MYO1E: variants seen among roughly 807,000 people sequenced by gnomAD.
MYO1E encodes myosin IE, also known as unconventional myosin-Ie.
A neutral mutation model predicts 151.1 loss-of-function variants in MYO1E; 68 were observed. That is an observed-to-expected ratio of 0.45 (90% confidence interval 0.37 to 0.55). The LOEUF is 0.55. Among genes scored for constraint, MYO1E ranks in the 20% least tolerant of loss-of-function variants. The pLI, the probability that MYO1E is intolerant of heterozygous loss-of-function variation, is 0.00. For synonymous variants in MYO1E, 601 were observed against 501.7 expected (o/e 1.20, Z -2.64); for missense variants, 1,363 against 1,389.3 (o/e 0.98, Z 0.30).
intron 1 of MYO1E, among the ~76,000 whole-genome samples, chr15:59,308,915 G>C (rs180800907): frequency 2.6e-4 from 39 of 152,020 alleles, no homozygotes; most frequent in African/African-American, 8.4e-4. Flanking sequence ...CAGAGAGGCA[G>C]AATTGCAGAA....
At chr15:59,216,881 C>T (rs935546813) in intron 10 of MYO1E, among the ~76,000 whole-genome samples, 2 of 151,624 alleles carry the variant, frequency 1.3e-5, no homozygotes, top group African/African-American at 4.9e-5. Flanking sequence ...GGCAAAGTGA[C>T]AATACCTGAG....
At chr15:59,272,219 A>C in intron 2 of MYO1E, 87 bp downstream of exon 2, 1 of 1,486,754 alleles carries the variant, frequency 6.7e-7, no homozygotes, top group East Asian at 2.3e-5. Flanking sequence ...TACACACGTG[A>C]GCCACTGCAC....
At chr15:59,222,052 T>C (rs774056883) in intron 9 of MYO1E, among the ~76,000 whole-genome samples, 4 of 152,238 alleles carry the variant, frequency 2.6e-5, no homozygotes, top group Non-Finnish European at 4.4e-5. Flanking sequence ...GGACACCCTG[T>C]ATATTTATTG....
chr15:59,342,242 G>A lies in MYO1E; in HGVS notation c.3+30256C>T, dbSNP rs543536193. 2.6e-4 allele frequency among the ~76,000 whole-genome samples: 40 copies of A among 152,284 alleles called. No homozygotes were observed. In the South Asian group the frequency reaches 8.3e-3, roughly 32 times the overall value. ...ATCAGATTAGATTTTTTCCTACAGA[G>A]TTATTTGAGTTCCTTCTGTATTCTG... On this transcript the variant is annotated intron_variant, in intron 1 of 27. Transcript: ENST00000288235.
chr15:59,281,522 C>T (rs1461769834), intron 1 of MYO1E, among the ~76,000 whole-genome samples: 3 of 152,002 alleles, frequency 2.0e-5, no homozygotes, highest in East Asian at 1.9e-4. Context: ...GTGATCTGCC[C>T]GCCTCGGCCT....
chr15:59,204,084 T>C (rs145623939), intron 15 of MYO1E, among the ~76,000 whole-genome samples: 4 of 152,284 alleles, frequency 2.6e-5, no homozygotes, highest in Middle Eastern at 3.4e-3. Context: ...AATAATTTTT[T>C]AAAAACAATC....
At chr15:59,257,232 A>T (rs28368974) in intron 3 of MYO1E, among the ~76,000 whole-genome samples, 116 of 152,154 alleles carry the variant, frequency 7.6e-4, no homozygotes, top group Middle Eastern at 3.4e-3. Context: ...GCCTGTAATC[A>T]CTCCAAGCTA....
At position 59,159,841 on chromosome 15, in the gene MYO1E, C is replaced by CTAAT. The variant is rs139112417; in HGVS notation, c.2785+1228_2785+1231dup. ...CTTTGCAGACAGATTTGAGAAATGG[C>CTAAT]TAATTAATTAATTAATTTTTGAGAT... On this transcript the variant is annotated intron_variant, in intron 24 of 27. Coordinates refer to ENST00000288235, the MANE Select transcript of MYO1E (RefSeq NM_004998.4). The surrounding 1 kb of genome is among the most constrained non-coding windows in gnomAD (Gnocchi z 4.4). Among the ~76,000 whole-genome samples the CTAAT allele has an allele frequency of 0.058, 8,803 of 151,916 alleles. 281 individuals are homozygous for CTAAT. Among genetic ancestry groups the CTAAT allele is most frequent in the African/African-American group, 0.087 (3,579 of 41,306 alleles).
At chr15:59,194,352 A>C (rs539668522) in intron 17 of MYO1E, among the ~76,000 whole-genome samples, 110 of 152,244 alleles carry the variant, frequency 7.2e-4, no homozygotes, top group Middle Eastern at 3.4e-3. Context: ...TCAGACAGTA[A>C]ATGTTTGACC....
intron 2 of MYO1E, among the ~76,000 whole-genome samples, chr15:59,262,019 T>G (rs759393580): frequency 8.6e-5 from 13 of 151,928 alleles, no homozygotes; most frequent in Non-Finnish European, 1.6e-4. Context: ...CTGGCCGACA[T>G]GGTGAAACTC....
chr15:59,372,496 A>C lies in MYO1E; in HGVS notation c.3+2T>G. The C allele has an allele frequency of 1.3e-6, 2 of 1,537,648 alleles. No individual in the cohort carries two copies. Among genetic ancestry groups the C allele is most frequent in the Non-Finnish European group, 1.7e-6 (2 of 1,143,324 alleles). ...TCCTAGGACGCGGCGCGGCCAACTC[A>C]CCATGGTGACTCGCGCCGCGGTCGC... On this transcript the variant is annotated splice_donor_variant, in intron 1 of 27. Transcript: ENST00000288235. LOFTEE classifies it high-confidence loss of function.
chr15:59,146,535 G>C (rs1596340871), intron 26 of MYO1E, among the ~76,000 whole-genome samples: 3 of 151,966 alleles, frequency 2.0e-5, no homozygotes, highest in South Asian at 4.2e-4. Flanking sequence ...GCCTGGTCTC[G>C]AACTCCTGAT....
intron 2 of MYO1E, chr15:59,265,102 T>C (rs1421773113): frequency 2.0e-5 from 3 of 152,218 alleles, no homozygotes; most frequent in Non-Finnish European, 4.4e-5. Flanking sequence ...ACAGCACTGC[T>C]AGAACCATCT....
At chr15:59,330,799 T>C (rs768988111) in intron 1 of MYO1E, among the ~76,000 whole-genome samples, 9 of 152,146 alleles carry the variant, frequency 5.9e-5, no homozygotes, top group Non-Finnish European at 1.0e-4. Context: ...GACCGAGTCT[T>C]GCTCTGTCAC....
chr15:59,299,099 C>T (rs1010580900), intron 1 of MYO1E, among the ~76,000 whole-genome samples: 5 of 152,186 alleles, frequency 3.3e-5, no homozygotes, highest in Non-Finnish European at 4.4e-5. Flanking sequence ...GCCAATATTA[C>T]GGCCACATGT....
intron 1 of MYO1E, among the ~76,000 whole-genome samples, chr15:59,349,894 T>G (rs950565912): frequency 6.6e-6 from 1 of 152,130 alleles, no homozygotes; most frequent in African/African-American, 2.4e-5. Flanking sequence ...TCCCTAAAAT[T>G]TAGTGAGCCA....
intron 1 of MYO1E, among the ~76,000 whole-genome samples, chr15:59,358,032 T>C (rs954204241): frequency 2.0e-5 from 3 of 152,212 alleles, no homozygotes; most frequent in Non-Finnish European, 2.9e-5. Context: ...AATTCACTTT[T>C]GTCAACTGAC....
intron 4 of MYO1E, among the ~76,000 whole-genome samples, chr15:59,240,234 A>T (rs1308456843): frequency 1.3e-5 from 2 of 152,238 alleles, no homozygotes; most frequent in African/African-American, 4.8e-5. Flanking sequence ...GTCTCCAGGG[A>T]CAGAGTCTAG....
chr15:59,166,702 C>T (rs552721280), intron 22 of MYO1E, among the ~76,000 whole-genome samples: 1 of 152,162 alleles, frequency 6.6e-6, no homozygotes, highest in East Asian at 1.9e-4. Context: ...ATAAACCTTG[C>T]CCAGAATTCT....
Sources: gnomAD v4.1 joint callset for allele counts (sites outside exome capture counted in the v4.1 genomes callset) on GRCh38, gnomAD v4.1.1 for gene constraint, Gnocchi (gnomAD v3.1) non-coding constraint, MANE v1.5 for transcripts, NCBI Gene and HGNC (gene_info 2026-07-23, HGNC 2026-07-21) for gene names.